PRC1: variants seen among roughly 807,000 people sequenced by gnomAD.
PRC1 encodes the protein protein regulator of cytokinesis 1, also known as anaphase spindle elongation 1 homolog.
A neutral mutation model predicts 91.2 loss-of-function variants in PRC1; 54 were observed. The observed-to-expected ratio is 0.59, with a 90% CI of 0.48 to 0.74. The LOEUF is 0.74. PRC1 is among the 30% of genes least tolerant of loss of function. The pLI, the probability that PRC1 is intolerant of heterozygous loss-of-function variation, is 0.00. For synonymous variants in PRC1, 275 were observed against 263.6 expected, an observed-to-expected ratio of 1.04 and a Z score of -0.42; for missense variants, 727 against 746.2, an observed-to-expected ratio of 0.97 and a Z score of 0.30.
At chr15:90,993,126 C>G (rs1363827699) in intron 1 of PRC1, among the ~76,000 whole-genome samples, 1 of 141,696 alleles carries the variant, frequency 7.1e-6, no homozygotes, top group Non-Finnish European at 1.5e-5. Flanking sequence ...TAGCCTGGAA[C>G]CAACATTAAA....
Position 90,976,955 on chromosome 15 carries a change from AC to A in PRC1, c.1108-185del, listed in dbSNP as rs537233701. 8.5e-5 allele frequency among the ~76,000 whole-genome samples: 13 copies of A among 152,070 alleles called. No homozygotes were observed. In the East Asian group the frequency reaches 2.3e-3, roughly 27 times the overall value. Reference sequence around the variant, plus strand: ...AGACCAACCTGGCCAACATGGCGAAACCCCATCTCTACTAATAATAAAAAAA... The same window carrying A: ...AGACCAACCTGGCCAACATGGCGAAACCCATCTCTACTAATAATAAAAAAA... On this transcript the variant is annotated intron_variant, in intron 8 of 14. Coordinates refer to ENST00000394249, the MANE Select transcript of PRC1 (RefSeq NM_003981.4).
chr15:90,980,206 A>C, intron 7 of PRC1, 36 bp downstream of exon 7: 2 of 1,556,994 alleles, frequency 1.3e-6, no homozygotes, highest in Admixed American at 2.1e-5. Flanking sequence ...ACCTGTCTCC[A>C]AACAAACAAA....
At chr15:90,969,761 A>AAATATATATAT (rs1468521171) in intron 12 of PRC1, 138 bp from the exon 13 acceptor site, 1 of 144,050 alleles carries the variant, frequency 6.9e-6, no homozygotes, top group African/African-American at 4.2e-5. Context: ...TTAAAAAAAA[A>AAATATATATAT]ACATATATAT....
In PRC1 at chr15:90,981,832, G is replaced by A. The variant is rs1431347904; in HGVS notation, c.417C>T (p.His139=). Residue 139 remains histidine (H), a synonymous_variant, in exon 4 of 15, where the codon CAC becomes CAT. Coordinates refer to ENST00000394249, the MANE Select transcript of PRC1 (RefSeq NM_003981.4). ...GCACTGAGGCACTGTCAATATCATA[G>A]TGGGGCATACAAAGAATTTCGCACA... ...QELCEILCMP[H]YDIDSASVPS... 6.2e-7 allele frequency: 1 copy of A among 1,614,116 alleles called. No individual in the cohort carries two copies. Among genetic ancestry groups the A allele is most frequent in the African/African-American group, 1.3e-5 (1 of 74,934 alleles).
intron 1 of PRC1, among the ~76,000 whole-genome samples, chr15:90,986,364 C>T (rs2039573104): frequency 1.3e-5 from 2 of 152,224 alleles, no homozygotes; most frequent in Admixed American, 6.5e-5. Flanking sequence ...TGCAGTGGCT[C>T]ACACCTGTAA....
intron 11 of PRC1, among the ~76,000 whole-genome samples, chr15:90,973,847 T>C (rs890137174): frequency 3.3e-5 from 5 of 152,048 alleles, no homozygotes; most frequent in African/African-American, 1.2e-4. Context: ...ACTATCACCC[T>C]GTCCTCCTGC....
chr15:90,966,847 G>T lies in PRC1; in HGVS notation c.*284C>A, dbSNP rs1369407237. On this transcript the variant is annotated 3_prime_UTR_variant, in exon 15 of 15. Coordinates refer to ENST00000394249, the MANE Select transcript of PRC1 (RefSeq NM_003981.4). ...ACAAGCTTTGATCATGCTTCAGCAA[G>T]TAGAATTATGTGGTAGAGAAGTCAG... 2.0e-6 allele frequency: 1 copy of T among 509,396 alleles called. No homozygotes were observed. The highest frequency in any genetic ancestry group is 3.6e-6 in the Non-Finnish European group (1 of 280,172). The allele number at this position is 509,396 out of a possible 1,614,324, so 31.6% of individuals were successfully genotyped here.
chr15:90,971,800 G>T (rs1021803832), intron 11 of PRC1, among the ~76,000 whole-genome samples: 4 of 151,862 alleles, frequency 2.6e-5, no homozygotes, highest in Admixed American at 1.3e-4. Context: ...GGCTGGGGCG[G>T]GCAGATCTTC....
At chr15:90,968,099 C>T in intron 14 of PRC1, 1 of 985,426 alleles carries the variant, frequency 1.0e-6, no homozygotes, top group Non-Finnish European at 1.2e-6. Flanking sequence ...GTCTATCAGC[C>T]ATAGCAACCC....
At chr15:90,981,076 C>T (rs1432432794) in intron 5 of PRC1, 43 bp from the exon 6 acceptor site, 1 of 1,610,478 alleles carries the variant, frequency 6.2e-7, no homozygotes, top group South Asian at 1.1e-5. Flanking sequence ...AAAGCAGCAG[C>T]ACAGAGGCTA....
chr15:90,970,840 C>T (rs752570914), intron 11 of PRC1, among the ~76,000 whole-genome samples: 2 of 152,196 alleles, frequency 1.3e-5, no homozygotes, highest in Non-Finnish European at 2.9e-5. Flanking sequence ...AAGACTTAGA[C>T]GTAAATGTTC....
At chr15:90,971,149 G>C (rs1596281162) in intron 11 of PRC1, among the ~76,000 whole-genome samples, 1 of 152,312 alleles carries the variant, frequency 6.6e-6, no homozygotes, top group East Asian at 1.9e-4. Flanking sequence ...GGCAAACTAG[G>C]AGCCAGGGAA....
In PRC1 at chr15:90,966,395, C is replaced by A; in HGVS notation, c.*736G>T. On this transcript the variant is annotated 3_prime_UTR_variant, in exon 15 of 15. Transcript: ENST00000394249. ...AACAGACTCCCAATGTGGCTGGCAA[C>A]TGCGGGGGTAGAAGAACTCAGGCAA... 2.9e-6 allele frequency: 1 copy of A among 341,680 alleles called. No homozygotes were observed. The highest frequency in any genetic ancestry group is 3.7e-5 in the Admixed American group (1 of 27,220). 21.2% of individuals were successfully genotyped at this position (341,680 alleles called of 1,614,324 possible). A position where few individuals can be genotyped will look rare whatever the true frequency, so the allele number is the denominator to read the frequency against.
At chr15:90,991,354 G>A (rs1349986395) in intron 1 of PRC1, among the ~76,000 whole-genome samples, 1 of 151,692 alleles carries the variant, frequency 6.6e-6, no homozygotes, top group Non-Finnish European at 1.5e-5. Context: ...GAACCCAGGA[G>A]GCGGAGGTTG....
Position 90,974,530 on chromosome 15 carries a change from C to T in PRC1, c.1350+55G>A. ...CCTGGTCCCCGGCAGAGACTATGGG[C>T]TGCTCAGATTACTTTCTTCGTCTTT... On this transcript the variant is annotated intron_variant, in intron 10 of 14. Transcript: ENST00000394249. This position sits in a 1 kb window ranked among gnomAD's most constrained non-coding sequence, Gnocchi z 4.6. The T allele has an allele frequency of 3.1e-6, 5 of 1,608,252 alleles. No individual in the cohort carries two copies. In the South Asian group the frequency reaches 5.5e-5, roughly 18 times the overall value.
chr15:90,980,159 C>A (rs1211954506), intron 7 of PRC1, 83 bp downstream of exon 7: 3 of 1,446,520 alleles, frequency 2.1e-6, no homozygotes, highest in Non-Finnish European at 2.7e-6. Context: ...ATTGTTTGAG[C>A]CTAGGAACTT....
rs187724340 is a variant in PRC1 at position 90,975,833 on chromosome 15, A to G, written c.1203+843T>C. 2.6e-3 allele frequency among the ~76,000 whole-genome samples: 389 copies of G among 152,240 alleles called. 4 individuals carry two copies. Among genetic ancestry groups the G allele is most frequent in the Non-Finnish European group, 3.7e-3 (251 of 68,014 alleles). ...ACCCCATCTCTTGCGGGGGGAAAAA[A>G]GAAAGAATTAAGTTAAAATGAGGTC... On this transcript the variant is annotated intron_variant, in intron 9 of 14. Transcript: ENST00000394249.
intron 11 of PRC1, among the ~76,000 whole-genome samples, chr15:90,971,477 G>A (rs59278520): frequency 0.31 from 47,288 of 151,728 alleles, 9,392 homozygotes; most frequent in African/African-American, 0.54. Flanking sequence ...GTAGAGATGG[G>A]GCTTCAACAT....
At chr15:90,978,490 G>A (rs371197165) in intron 8 of PRC1, among the ~76,000 whole-genome samples, 97 of 152,152 alleles carry the variant, frequency 6.4e-4, no homozygotes, top group African/African-American at 2.3e-3. Context: ...GGTGGCTCAC[G>A]CCTGTGATCC....
Sources: gnomAD v4.1 joint callset for allele counts (sites outside exome capture counted in the v4.1 genomes callset) on GRCh38, gnomAD v4.1.1 for gene constraint, Gnocchi (gnomAD v3.1) non-coding constraint, MANE v1.5 for transcripts, NCBI Gene and HGNC (gene_info 2026-07-23, HGNC 2026-07-21) for gene names.